WDR70: variants seen among roughly 807,000 people sequenced by gnomAD.
WDR70 encodes WD repeat-containing protein 70.
In WDR70, 53 loss-of-function variants were observed where a neutral mutation model predicts 88.6. The ratio of observed to expected loss-of-function variants is 0.60; its 90% confidence interval spans 0.48 to 0.75. The LOEUF is 0.75. Ranked by LOEUF, WDR70 falls within the 30% of genes least tolerant of loss-of-function variation. The probability of loss-of-function intolerance (pLI) is 0.00; values close to 1 mark genes in which losing one functional copy is unlikely to be tolerated. For missense variants in WDR70, 610 were observed against 823.2 expected, an observed-to-expected ratio of 0.74 and a Z score of 3.17; for synonymous variants, 280 against 270.0, an observed-to-expected ratio of 1.04 and a Z score of -0.36.
intron 9 of WDR70, among the ~76,000 whole-genome samples, chr5:37,561,918 G>A (rs1428928158): frequency 1.3e-5 from 2 of 152,200 alleles, no homozygotes; most frequent in Non-Finnish European, 2.9e-5. Flanking sequence ...AATTAAGGTT[G>A]AAGGAAATAG....
chr5:37,603,347 A>G (rs1743943220), intron 9 of WDR70, among the ~76,000 whole-genome samples: 1 of 152,230 alleles, frequency 6.6e-6, no homozygotes, highest in African/African-American at 2.4e-5. Context: ...ATTTTCAACA[A>G]AGATGCCAAG....
intron 5 of WDR70, among the ~76,000 whole-genome samples, chr5:37,416,952 AGT>A (rs980743637): frequency 6.6e-6 from 1 of 152,204 alleles, no homozygotes; most frequent in South Asian, 2.1e-4. Flanking sequence ...TTATGTCAAA[AGT>A]GTGCAGTCTT....
intron 9 of WDR70, among the ~76,000 whole-genome samples, chr5:37,526,178 A>C (rs1159034551): frequency 6.6e-6 from 1 of 152,116 alleles, no homozygotes; most frequent in Non-Finnish European, 1.5e-5. Context: ...GAGACACAAC[A>C]AAAAAAGAGA....
intron 10 of WDR70, 44 bp downstream of exon 10, chr5:37,605,282 C>T: frequency 1.3e-6 from 2 of 1,530,274 alleles, no homozygotes; most frequent in Non-Finnish European, 8.8e-7. Flanking sequence ...TTAAATCTTT[C>T]CTTAGAAGAT....
intron 9 of WDR70, among the ~76,000 whole-genome samples, chr5:37,545,812 C>T (rs1435430917): frequency 1.3e-5 from 2 of 152,164 alleles, no homozygotes; most frequent in Non-Finnish European, 2.9e-5. Flanking sequence ...CTGTGAGCCA[C>T]GACGCCCAGC....
At chr5:37,444,002 A>G (rs1055540037) in intron 7 of WDR70, among the ~76,000 whole-genome samples, 2 of 150,762 alleles carry the variant, frequency 1.3e-5, no homozygotes, top group African/African-American at 2.4e-5. Flanking sequence ...TATAAAAACA[A>G]GCCAGGCGTG....
At position 37,707,936 on chromosome 5, in the gene WDR70, AAAAAAAAAAAAAATATATATATATAT is replaced by A. The variant is rs1309265258; in HGVS notation, c.1416+4851_1416+4876del. On this transcript the variant is annotated intron_variant, in intron 13 of 17. Transcript: ENST00000265107. Reference sequence around the variant, plus strand: ...CTCAAAAAAAGAAAAAAAAAAAAAAAAAAAAAAAAAAAATATATATATATATATATATATATATATATATATATATA... The same window carrying A: ...CTCAAAAAAAGAAAAAAAAAAAAAAAATATATATATATATATATATATATA... Among the ~76,000 whole-genome samples, 32 of 36,346 alleles carry A rather than the reference AAAAAAAAAAAAAATATATATATATAT, an allele frequency of 8.8e-4. 1 individual carries two copies. Among genetic ancestry groups the A allele is most frequent in the African/African-American group, 2.7e-3 (31 of 11,456 alleles). 23.8% of individuals were successfully genotyped at this position (36,346 alleles called of 152,430 possible).
intron 10 of WDR70, among the ~76,000 whole-genome samples, chr5:37,619,167 A>C (rs76284354): frequency 0.031 from 4,755 of 152,236 alleles, 97 homozygotes; most frequent in Middle Eastern, 0.082. Flanking sequence ...GGTTGCATGA[A>C]ATAGGGGAAG....
chr5:37,699,838 C>T (rs545424696), intron 11 of WDR70, among the ~76,000 whole-genome samples: 3 of 151,920 alleles, frequency 2.0e-5, no homozygotes, highest in East Asian at 1.9e-4. Flanking sequence ...GTCCCAGCTA[C>T]TCGGGAGGCT....
chr5:37,656,006 A>T (rs1395511295), intron 10 of WDR70, among the ~76,000 whole-genome samples: 1 of 151,834 alleles, frequency 6.6e-6, no homozygotes, highest in Non-Finnish European at 1.5e-5. Flanking sequence ...GATCCTTTAG[A>T]AGAGAAGAGA....
At chr5:37,491,812 GTTAAC>G (rs1410373090) in intron 8 of WDR70, among the ~76,000 whole-genome samples, 13 of 152,110 alleles carry the variant, frequency 8.5e-5, no homozygotes, top group East Asian at 1.9e-4. Flanking sequence ...AAAGAAAACT[GTTAAC>G]TTAAGGTATT....
intron 17 of WDR70, among the ~76,000 whole-genome samples, chr5:37,749,527 C>T (rs1418131761): frequency 6.6e-6 from 1 of 151,588 alleles, no homozygotes; most frequent in African/African-American, 2.4e-5. Context: ...AATGAACCTG[C>T]ACATTCTGCA....
rs576972766 is a variant in WDR70, at chr5:37,644,673, G to A, written c.1092+39435G>A. On this transcript the variant is annotated intron_variant, in intron 10 of 17. Transcript: ENST00000265107. ...CTATTATTTGTTATTGTTCTGTTCA[G>A]ATTTGGGATTTCTTCTTGGTACAGT... 3.9e-5 allele frequency among the ~76,000 whole-genome samples: 6 copies of A among 152,022 alleles called. No individual in the cohort carries two copies. In the South Asian group the frequency reaches 1.2e-3, roughly 31 times the overall value.
chr5:37,388,899 A>T (rs547232541), intron 3 of WDR70, among the ~76,000 whole-genome samples: 2 of 152,078 alleles, frequency 1.3e-5, no homozygotes, highest in African/African-American at 4.8e-5. Context: ...TTAAAAAAAT[A>T]ATAGTAAAAA....
intron 9 of WDR70, among the ~76,000 whole-genome samples, chr5:37,520,379 A>C (rs151080812): frequency 1.3e-5 from 2 of 152,102 alleles, no homozygotes; most frequent in Non-Finnish European, 2.9e-5. Context: ...CAATCTATAC[A>C]AGTAAGAATG....
At chr5:37,550,936 T>C (rs1742123497) in intron 9 of WDR70, among the ~76,000 whole-genome samples, 1 of 152,192 alleles carries the variant, frequency 6.6e-6, no homozygotes. Context: ...GATACTATCT[T>C]GTAACCCATT....
At chr5:37,715,332 T>C (rs1267418670) in intron 13 of WDR70, among the ~76,000 whole-genome samples, 1 of 103,268 alleles carries the variant, frequency 9.7e-6, no homozygotes, top group African/African-American at 2.9e-5. Context: ...TGAGAAGATT[T>C]CTGGCAAAAA....
chr5:37,644,057 G>A (rs1383112134), intron 10 of WDR70, among the ~76,000 whole-genome samples: 4 of 151,972 alleles, frequency 2.6e-5, no homozygotes, highest in African/African-American at 9.7e-5. Flanking sequence ...TCCTTGTTGT[G>A]TTCTAGATCT....
intron 5 of WDR70, among the ~76,000 whole-genome samples, chr5:37,415,719 C>T (rs1249271056): frequency 4.0e-5 from 6 of 150,296 alleles, no homozygotes; most frequent in East Asian, 2.0e-4. Context: ...TCAGACGGGG[C>T]GGCTGCCAGG....
Sources: gnomAD v4.1 joint callset for allele counts (sites outside exome capture counted in the v4.1 genomes callset) on GRCh38, gnomAD v4.1.1 for gene constraint, MANE v1.5 for transcripts, NCBI Gene and HGNC (gene_info 2026-07-23, HGNC 2026-07-21) for gene names.